ASAH2: variants seen among roughly 807,000 people sequenced by gnomAD.
The protein encoded by ASAH2 is neutral ceramidase.
A neutral mutation model predicts 82.9 loss-of-function variants in ASAH2; 58 were observed. The ratio of observed to expected loss-of-function variants is 0.70; its 90% CI spans 0.57 to 0.87. The LOEUF is 0.87. ASAH2 is among the 40% of genes least tolerant of loss of function. The pLI is 0.00. For missense variants in ASAH2, 779 were observed against 834.0 expected (o/e 0.93, Z 0.81); for synonymous variants, 276 against 289.7 (o/e 0.95, Z 0.48).
chr10:50,197,541 CATTACTTTCAATGAAT>C (rs1315089956), intron 17 of ASAH2, among the ~76,000 whole-genome samples: 3 of 151,860 alleles, frequency 2.0e-5, no homozygotes, highest in African/African-American at 4.8e-5. Context: ...GGCATTTTGC[CATTACTTTCAATGAAT>C]ATTTAACGCT....
chr10:50,203,333 A>G (rs1845208145), intron 15 of ASAH2, among the ~76,000 whole-genome samples: 1 of 152,024 alleles, frequency 6.6e-6, no homozygotes, highest in Admixed American at 6.6e-5. Flanking sequence ...AATGTAATAC[A>G]TTTTATTTAG....
At chr10:50,242,054 A>G (rs930446318) in intron 4 of ASAH2, among the ~76,000 whole-genome samples, 1 of 152,146 alleles carries the variant, frequency 6.6e-6, no homozygotes, top group Non-Finnish European at 1.5e-5. Context: ...AAAAAAAAGA[A>G]TGTGGACTCT....
chr10:50,207,034 A>G (rs1031622997), intron 12 of ASAH2, among the ~76,000 whole-genome samples: 97 of 152,134 alleles, frequency 6.4e-4, no homozygotes, highest in African/African-American at 2.0e-3. Flanking sequence ...AAAATGGAGA[A>G]GCTTGCAAAT....
intron 19 of ASAH2, among the ~76,000 whole-genome samples, chr10:50,190,895 CATAA>C (rs1471740235): frequency 1.9e-5 from 1 of 52,880 alleles, no homozygotes; most frequent in African/African-American, 7.7e-5. Context: ...GTAAGCATTC[CATAA>C]ATAGTGATGA....
At chr10:50,235,132 G>C (rs980765578) in intron 5 of ASAH2, among the ~76,000 whole-genome samples, 1 of 151,924 alleles carries the variant, frequency 6.6e-6, no homozygotes, top group Non-Finnish European at 1.5e-5. Context: ...CATTTTTTAT[G>C]TAATGTTTTT....
In ASAH2 at chr10:50,211,066, C is replaced by T; in HGVS notation, c.1296G>A (p.Met432Ile). Residue 432 changes from methionine (M) to isoleucine (I), a missense_variant, in exon 11 of 21, where the codon ATG becomes ATA. Transcript: ENST00000682911. ...PLASAHQWVD[M>I]TDVTVWLNST... ...AATTGAGCCAGACAGTCACATCTGT[C>T]ATATCCACCCACTGGTGTGCTGAAG... 5 of 1,613,764 alleles carry T rather than the reference C, an allele frequency of 3.1e-6. No individual in the cohort carries two copies. In the South Asian group the frequency reaches 5.5e-5, roughly 18 times the overall value.
Position 50,218,640 on chromosome 10 carries a change from A to G in ASAH2, c.894-10T>C, listed in dbSNP as rs2133213021. 2 of 1,613,770 alleles carry G rather than the reference A, an allele frequency of 1.2e-6. No individual in the cohort carries two copies. Among genetic ancestry groups the G allele is most frequent in the Non-Finnish European group, 1.7e-6 (2 of 1,179,720 alleles). On this transcript the variant is annotated splice_polypyrimidine_tract_variant and intron_variant, in intron 7 of 20. Transcript: ENST00000682911. ...GTGGATGGCAAACCAGCTGTAAAAG[A>G]GCAAGAAGCTCTAAATTAATCAGGA...
intron 5 of ASAH2, 148 bp downstream of exon 5, chr10:50,235,740 G>T: frequency 1.2e-6 from 1 of 851,754 alleles, no homozygotes; most frequent in Non-Finnish European, 1.9e-6. Context: ...AAGAAGCTAA[G>T]ATAGAGTCAG....
intron 7 of ASAH2, among the ~76,000 whole-genome samples, chr10:50,222,183 C>T (rs1334545104): frequency 6.6e-6 from 1 of 152,130 alleles, no homozygotes; most frequent in Admixed American, 6.5e-5. Flanking sequence ...GAATCAGATG[C>T]ATTTCCTACC....
intron 16 of ASAH2, 120 bp from the exon 17 acceptor site, chr10:50,199,266 C>A (rs1196815783): frequency 2.0e-6 from 2 of 980,650 alleles, no homozygotes; most frequent in African/African-American, 3.2e-5. Context: ...CTGGCACAAT[C>A]TTCAAGATTA....
intron 7 of ASAH2, among the ~76,000 whole-genome samples, chr10:50,229,912 T>C (rs1383893680): frequency 1.3e-5 from 2 of 152,166 alleles, no homozygotes; most frequent in Admixed American, 1.3e-4. Flanking sequence ...TTACATGTAT[T>C]GTATGCCTAT....
intron 6 of ASAH2, among the ~76,000 whole-genome samples, chr10:50,234,141 T>G (rs2133224976): frequency 1.3e-5 from 2 of 152,194 alleles, no homozygotes; most frequent in South Asian, 4.1e-4. Flanking sequence ...AAAACTAAGC[T>G]GAGACCACAG....
intron 16 of ASAH2, among the ~76,000 whole-genome samples, chr10:50,201,071 C>A (rs1011969989): frequency 7.2e-5 from 11 of 151,998 alleles, no homozygotes; most frequent in Admixed American, 2.6e-4. Context: ...GAAGGAGCAT[C>A]TGAACTCTGA....
intron 13 of ASAH2, among the ~76,000 whole-genome samples, chr10:50,205,278 TA>T (rs1845265270): frequency 6.6e-6 from 1 of 152,030 alleles, no homozygotes. Context: ...TAGTTTAACT[TA>T]ATAATTTCTC....
chr10:50,206,137 A>G, intron 12 of ASAH2, 40 bp from the exon 13 acceptor site: 2 of 1,401,352 alleles, frequency 1.4e-6, no homozygotes, highest in African/African-American at 1.4e-5. Flanking sequence ...CCTTGAACCA[A>G]CCCTCTCAAA....
rs1845255523 is a variant in ASAH2, at chr10:50,204,937, A to G, written c.1549T>C (p.Trp517Arg). 6.2e-7 allele frequency: 1 copy of G among 1,610,382 alleles called. No individual in the cohort carries two copies. The highest frequency in any genetic ancestry group is 1.1e-5 in the South Asian group (1 of 90,454). The change falls in exon 14 of 21, where the codon TGG becomes CGG. Residue 517 changes from tryptophan to arginine, a missense_variant. This residue lies in a region of ASAH2 where 759 missense variants were observed against 755.2 expected (regional missense o/e 1.00). Coordinates refer to ENST00000682911, the MANE Select transcript of ASAH2 (RefSeq NM_019893.4). ...HTGELSKPHP[W>R]HPDIVDVQII... ...TGAACATCAACAATGTCTGGATGCC[A>G]GGGGTGAGGTTTTGATAGCTGAGAA...
chr10:50,218,850 C>T (rs965491117), intron 7 of ASAH2, among the ~76,000 whole-genome samples: 1 of 152,174 alleles, frequency 6.6e-6, no homozygotes, highest in African/African-American at 2.4e-5. Context: ...TACAAAACTC[C>T]ATTTTCATGA....
In ASAH2 at chr10:50,185,016, A is replaced by G. The variant is rs1393864276; in HGVS notation, c.*2299T>C. 5 of 151,702 alleles carry G rather than the reference A, an allele frequency of 3.3e-5. No homozygotes were observed. The South Asian group carries it at 6.2e-4, about 19-fold the overall frequency. The allele number at this position is 151,702 out of a possible 1,614,324, so 9.4% of individuals were successfully genotyped here. On this transcript the variant is annotated 3_prime_UTR_variant, in exon 21 of 21. Coordinates refer to ENST00000682911, the MANE Select transcript of ASAH2 (RefSeq NM_019893.4). ...CTTAAAACCAGAGTAGGCAGGGTACAGCAAATAAAATGCAGACATTTTAAC... is the reference window on the plus strand; with the variant it reads ...CTTAAAACCAGAGTAGGCAGGGTACGGCAAATAAAATGCAGACATTTTAAC...
intron 14 of ASAH2, among the ~76,000 whole-genome samples, chr10:50,204,207 A>T (rs1355705441): frequency 6.6e-6 from 1 of 151,960 alleles, no homozygotes; most frequent in African/African-American, 2.4e-5. Flanking sequence ...TATTTAATTT[A>T]TACTTTAAAG....
Sources: allele counts gnomAD v4.1 joint callset (sites outside exome capture counted in the v4.1 genomes callset), GRCh38; gene constraint gnomAD v4.1.1; regional missense constraint gnomAD v4.1.1; transcripts MANE v1.5; gene names NCBI Gene and HGNC (gene_info 2026-07-23, HGNC 2026-07-21).